The following ZRANB3 variants were observed in gnomAD, a reference collection of about 807,000 sequenced individuals.
ZRANB3 encodes the protein zinc finger RANBP2-type containing 3, also known as DNA annealing helicase and endonuclease ZRANB3.
A neutral mutation model predicts 133.8 loss-of-function variants in ZRANB3; 125 were observed. That is an observed-to-expected ratio of 0.93 (90% confidence interval 0.81 to 1.08). The LOEUF (loss-of-function observed/expected upper bound fraction) is 1.08, where lower values mean the gene tolerates loss of function less well. Ranked by LOEUF, ZRANB3 falls within the 50% of genes least tolerant of loss-of-function variation. The probability of loss-of-function intolerance (pLI) is 0.00; values close to 1 mark genes in which losing one functional copy is unlikely to be tolerated. For synonymous variants in ZRANB3, 387 were observed against 432.7 expected (o/e 0.89, Z 1.31); for missense variants, 1,229 against 1,275.5 (o/e 0.96, Z 0.56).
chr2:135,283,648 A>G (rs889674131), intron 8 of ZRANB3, among the ~76,000 whole-genome samples: 3 of 152,010 alleles, frequency 2.0e-5, no homozygotes, highest in African/African-American at 7.2e-5. Context: ...CAATTTTTAA[A>G]AACATTCTTG....
rs1424115967 is a variant in ZRANB3 at position 135,197,121 on chromosome 2, G to A, written c.*3221C>T. On this transcript the variant is annotated 3_prime_UTR_variant, in exon 21 of 21. Coordinates refer to ENST00000264159, the MANE Select transcript of ZRANB3 (RefSeq NM_032143.4). Reference sequence around the variant, plus strand: ...TTTCTGGTAGTTGGATATTCAGATAGATTAGTGCAGTGACTAGGAGCCCAC... The same window carrying A: ...TTTCTGGTAGTTGGATATTCAGATAAATTAGTGCAGTGACTAGGAGCCCAC... 2.0e-5 allele frequency: 3 copies of A among 152,220 alleles called. No individual in the cohort carries two copies. The highest frequency in any genetic ancestry group is 4.4e-5 in the Non-Finnish European group (3 of 68,034). 9.4% of individuals were successfully genotyped at this position (152,220 alleles called of 1,614,324 possible). A position where few individuals can be genotyped will look rare whatever the true frequency, so the allele number is the denominator to read the frequency against.
At chr2:135,354,304 C>T (rs770359156) in intron 3 of ZRANB3, among the ~76,000 whole-genome samples, 15 of 152,134 alleles carry the variant, frequency 9.9e-5, no homozygotes, top group Non-Finnish European at 1.3e-4. Flanking sequence ...CTGAATGATG[C>T]ACATTTTACA....
At chr2:135,508,680 A>G (rs959231041) in intron 1 of ZRANB3, among the ~76,000 whole-genome samples, 2 of 152,200 alleles carry the variant, frequency 1.3e-5, no homozygotes, top group African/African-American at 4.8e-5. Flanking sequence ...TGTAATGAAT[A>G]GAACATGAAT....
At chr2:135,486,301 A>T (rs1229004647) in intron 2 of ZRANB3, among the ~76,000 whole-genome samples, 2 of 152,160 alleles carry the variant, frequency 1.3e-5, no homozygotes, top group African/African-American at 2.4e-5. Context: ...TTTATTCTTA[A>T]TTTTTTGTTG....
rs113894279 is a variant in ZRANB3, at chr2:135,367,059, G to A, written c.181-13431C>T. ...AATAATTTTTATATATTTAAAGAAC[G>A]TTGGCACCAATGATTTTTACTCTAA... On this transcript the variant is annotated intron_variant, in intron 3 of 20. Coordinates refer to ENST00000264159, the MANE Select transcript of ZRANB3 (RefSeq NM_032143.4). Among the ~76,000 whole-genome samples, 459 of 152,064 alleles carry A rather than the reference G, an allele frequency of 3.0e-3. 3 individuals carry two copies. Among genetic ancestry groups the A allele is most frequent in the African/African-American group, 0.01 (427 of 41,526 alleles).
chr2:135,235,113 C>T (rs1370919879), intron 12 of ZRANB3, among the ~76,000 whole-genome samples: 25 of 152,134 alleles, frequency 1.6e-4, no homozygotes, highest in African/African-American at 4.1e-4. Context: ...ATATCACCAC[C>T]GATCCCACAG....
intron 8 of ZRANB3, among the ~76,000 whole-genome samples, chr2:135,297,612 G>A (rs2104804409): frequency 6.6e-6 from 1 of 152,338 alleles, no homozygotes; most frequent in South Asian, 2.1e-4. Flanking sequence ...ACTACCCAGT[G>A]AGATGAACCC....
chr2:135,289,327 C>T (rs1681562429), intron 8 of ZRANB3, among the ~76,000 whole-genome samples: 1 of 152,096 alleles, frequency 6.6e-6, no homozygotes, highest in Non-Finnish European at 1.5e-5. Flanking sequence ...GTGATCTCGG[C>T]TCACTGCAGC....
intron 2 of ZRANB3, among the ~76,000 whole-genome samples, chr2:135,489,809 G>A (rs1363931774): frequency 6.6e-6 from 1 of 151,602 alleles, no homozygotes; most frequent in African/African-American, 2.4e-5. Flanking sequence ...GAATGCAAAA[G>A]AGAAAAAAAC....
intron 12 of ZRANB3, among the ~76,000 whole-genome samples, chr2:135,242,653 T>G (rs962145113): frequency 9.9e-5 from 15 of 152,068 alleles, no homozygotes; most frequent in Non-Finnish European, 1.9e-4. Context: ...CTTAAATTAT[T>G]TTTTTCTTCC....
At chr2:135,401,460 C>G (rs1340713917) in intron 2 of ZRANB3, among the ~76,000 whole-genome samples, 1 of 152,094 alleles carries the variant, frequency 6.6e-6, no homozygotes, top group Non-Finnish European at 1.5e-5. Context: ...TCCCTTCTCC[C>G]CTTCCCCCTC....
chr2:135,305,931 G>A (rs1682670522), intron 8 of ZRANB3, among the ~76,000 whole-genome samples: 2 of 152,068 alleles, frequency 1.3e-5, no homozygotes, highest in Non-Finnish European at 1.5e-5. Flanking sequence ...TTGCCTGTAA[G>A]GTTTCTTTTG....
At chr2:135,265,434 C>T in intron 12 of ZRANB3, 100 bp downstream of exon 12, 1 of 1,287,852 alleles carries the variant, frequency 7.8e-7, no homozygotes, top group Non-Finnish European at 1.0e-6. Flanking sequence ...CTCCTTTCAA[C>T]ACCATAAATA....
intron 8 of ZRANB3, among the ~76,000 whole-genome samples, chr2:135,282,318 C>T (rs1038077582): frequency 2.1e-5 from 3 of 140,332 alleles, no homozygotes; most frequent in African/African-American, 8.0e-5. Context: ...CATTGTCTTC[C>T]GGTATCCCTT....
At chr2:135,405,267 T>A (rs1350128803) in intron 2 of ZRANB3, among the ~76,000 whole-genome samples, 3 of 152,158 alleles carry the variant, frequency 2.0e-5, no homozygotes, top group Admixed American at 2.0e-4. Context: ...CAAGAAGAGC[T>A]AACTATCCTA....
Position 135,271,812 on chromosome 2 carries a change from G to A in ZRANB3, c.1162C>T (p.Pro388Ser), listed in dbSNP as rs1310620708. The A allele has an allele frequency of 1.2e-6, 2 of 1,613,710 alleles. No homozygotes were observed. Among genetic ancestry groups the A allele is most frequent in the Admixed American group, 3.3e-5 (2 of 60,002 alleles). The change falls in exon 10 of 21, where the codon CCT (proline) becomes TCT (serine). Residue 388 changes from proline (P) to serine (S), a missense_variant. Physicochemically the swap from Pro to Ser is moderately conservative, Grantham distance 74. Coordinates refer to ENST00000264159, the MANE Select transcript of ZRANB3 (RefSeq NM_032143.4). ...IHLVNQFQKD[P>S]DTRVAILSIQ... ...CTTAGGATAGCCACGCGAGTGTCAG[G>A]ATCCTTTTGAAACTGATTAACCAGA... is the stretch of plus-strand genomic sequence containing the variant.
intron 2 of ZRANB3, 147 bp downstream of exon 2, chr2:135,504,182 A>G (rs1186451304): frequency 1.1e-6 from 1 of 872,514 alleles, no homozygotes; most frequent in South Asian, 1.4e-5. Flanking sequence ...TAAGTCAACC[A>G]TAGTAAATGG....
rs1324820090 is a variant in ZRANB3 at position 135,334,277 on chromosome 2, C to T, written c.677+11273G>A. 5.3e-5 allele frequency among the ~76,000 whole-genome samples: 8 copies of T among 152,196 alleles called. No individual in the cohort carries two copies. In the East Asian group the frequency reaches 1.5e-3, roughly 29 times the overall value. ...ATGAATGGAGTAGAAGCACCCCTTA[C>T]TCCAATTTAGCCTAAGGTTATTCAA... On this transcript the variant is annotated intron_variant, in intron 6 of 20. Coordinates refer to ENST00000264159, the MANE Select transcript of ZRANB3 (RefSeq NM_032143.4).
At chr2:135,485,450 A>G (rs1033596229) in intron 2 of ZRANB3, among the ~76,000 whole-genome samples, 2 of 152,230 alleles carry the variant, frequency 1.3e-5, no homozygotes, top group African/African-American at 4.8e-5. Flanking sequence ...GATTCAGAAG[A>G]TACAGGCATA....
Sources: allele counts gnomAD v4.1 joint callset (sites outside exome capture counted in the v4.1 genomes callset), GRCh38; gene constraint gnomAD v4.1.1; transcripts MANE v1.5; gene names NCBI Gene and HGNC (gene_info 2026-07-23, HGNC 2026-07-21).